DLG2: variants seen among roughly 807,000 people sequenced by gnomAD.
DLG2 encodes discs large MAGUK scaffold protein 2.
In DLG2, 45 loss-of-function variants were observed where a neutral mutation model predicts 132.5. The ratio of observed to expected loss-of-function variants is 0.34; its 90% confidence interval spans 0.27 to 0.44. The LOEUF (loss-of-function observed/expected upper bound fraction) is 0.44. DLG2 is among the 20% of genes least tolerant of loss of function. The pLI, the probability that DLG2 is intolerant of heterozygous loss-of-function variation, is 1.00. For missense variants in DLG2, 1,045 were observed against 1,196.9 expected, an observed-to-expected ratio of 0.87 and a Z score of 1.87; for synonymous variants, 424 against 419.6, an observed-to-expected ratio of 1.01 and a Z score of -0.13.
At chr11:83,899,871 AAC>A in intron 15 of DLG2, among the ~76,000 whole-genome samples, 1 of 152,344 alleles carries the variant, frequency 6.6e-6, no homozygotes, top group South Asian at 2.1e-4. Context: ...CAGAGGCTGG[AAC>A]AGTTCGGAGG....
chr11:83,930,358 A>G lies in DLG2; in HGVS notation c.1466T>C (p.Leu489Pro), dbSNP rs2154130169. The change falls in exon 15 of 28, where the codon CTA becomes CCA. Residue 489 changes from leucine (L) to proline (P), a missense_variant. Leu to Pro is a moderately conservative substitution (Grantham distance 98). Around this residue, in one of 4 missense-constraint regions of DLG2, gnomAD observed 261 missense variants for 256.1 expected, o/e 1.02. Coordinates refer to ENST00000376104, the MANE Select transcript of DLG2 (RefSeq NM_001142699.3). Reference sequence around the variant, plus strand: ...CATCTCAGAGTCAGGTAGCAGGCCTAGGTGGTAGTGGGAATAGGGAGCTGA... The same window carrying G: ...CATCTCAGAGTCAGGTAGCAGGCCTGGGTGGTAGTGGGAATAGGGAGCTGA... The part of the protein sequence containing the change: ...LLSAPYSHYH[L>P]GLLPDSEMTS... The G allele has an allele frequency of 6.2e-7, 1 of 1,614,052 alleles. No individual in the cohort carries two copies.
intron 6 of DLG2, among the ~76,000 whole-genome samples, chr11:84,729,038 CT>C (rs1789273122): frequency 6.6e-6 from 1 of 152,116 alleles, no homozygotes; most frequent in African/African-American, 2.4e-5. Flanking sequence ...AAAAACCCAG[CT>C]CCTGGATTCA....
At chr11:84,600,244 C>CAGAA (rs1593386416) in intron 6 of DLG2, among the ~76,000 whole-genome samples, 239 of 99,418 alleles carry the variant, frequency 2.4e-3, no homozygotes, top group African/African-American at 7.2e-3. Flanking sequence ...GACAGAAAAG[C>CAGAA]AAGCAAGCAA....
intron 6 of DLG2, among the ~76,000 whole-genome samples, chr11:85,029,741 A>C (rs1424537344): frequency 2.0e-5 from 3 of 152,184 alleles, no homozygotes; most frequent in Admixed American, 2.0e-4. Flanking sequence ...CACTTCTGCC[A>C]ATCACTGAGT....
At chr11:85,520,315 C>T (rs78514657) in intron 3 of DLG2, among the ~76,000 whole-genome samples, 5,403 of 151,668 alleles carry the variant, frequency 0.036, 146 homozygotes, top group Admixed American at 0.053. Context: ...ATAATGAGAA[C>T]GATAAAACAT....
intron 6 of DLG2, among the ~76,000 whole-genome samples, chr11:84,948,892 G>T (rs1003429897): frequency 8.5e-5 from 13 of 152,168 alleles, no homozygotes; most frequent in African/African-American, 3.1e-4. Context: ...ATTTAAATGA[G>T]ACAGAGTATG....
At chr11:85,175,739 TA>T (rs1176279944) in intron 4 of DLG2, among the ~76,000 whole-genome samples, 1 of 152,134 alleles carries the variant, frequency 6.6e-6, no homozygotes, top group East Asian at 1.9e-4. Flanking sequence ...AAAAGTATCT[TA>T]AGCTGATAAG....
intron 11 of DLG2, among the ~76,000 whole-genome samples, chr11:83,986,580 T>C (rs2093333521): frequency 1.3e-5 from 2 of 151,808 alleles, no homozygotes; most frequent in Non-Finnish European, 2.9e-5. Context: ...TACCCAGTAA[T>C]GGGATGGCTG....
At chr11:84,214,254 T>TATATATGAATATATATATAC (rs2096802415) in intron 8 of DLG2, among the ~76,000 whole-genome samples, 1 of 143,250 alleles carries the variant, frequency 7.0e-6, no homozygotes, top group Non-Finnish European at 1.5e-5. Context: ...TATATATACA[T>TATATATGAATATATATATAC]ATATATGAAT....
chr11:83,549,659 CAG>C (rs1165645582), intron 19 of DLG2, among the ~76,000 whole-genome samples: 1 of 152,142 alleles, frequency 6.6e-6, no homozygotes, highest in Non-Finnish European at 1.5e-5. Flanking sequence ...ATGCTGGGAG[CAG>C]AGAGATCTAA....
At chr11:84,903,296 A>G (rs1484416650) in intron 6 of DLG2, among the ~76,000 whole-genome samples, 3 of 152,188 alleles carry the variant, frequency 2.0e-5, no homozygotes, top group Non-Finnish European at 4.4e-5. Flanking sequence ...TTCCTAAACA[A>G]GATCAGCATC....
chr11:84,646,881 A>G (rs1324029642), intron 6 of DLG2, among the ~76,000 whole-genome samples: 1 of 152,128 alleles, frequency 6.6e-6, no homozygotes, highest in Non-Finnish European at 1.5e-5. Flanking sequence ...TAATGATGGG[A>G]CATCCTCTCT....
intron 18 of DLG2, among the ~76,000 whole-genome samples, chr11:83,649,550 A>G (rs748772322): frequency 6.6e-6 from 1 of 152,184 alleles, no homozygotes; most frequent in Non-Finnish European, 1.5e-5. Flanking sequence ...ACTCAGTAAG[A>G]ACTTCAACCC....
intron 4 of DLG2, among the ~76,000 whole-genome samples, chr11:85,271,819 G>A (rs1280479308): frequency 6.6e-6 from 1 of 152,174 alleles, no homozygotes; most frequent in Non-Finnish European, 1.5e-5. Flanking sequence ...TTGTATCTAG[G>A]AAGCAACTCA....
chr11:84,527,909 C>CTT (rs1193274360), intron 7 of DLG2, among the ~76,000 whole-genome samples: 3 of 151,280 alleles, frequency 2.0e-5, no homozygotes, highest in African/African-American at 7.3e-5. Context: ...CTCTCTCTCT[C>CTT]TCTCTCTCTC....
chr11:85,286,820 G>A (rs924522679), intron 3 of DLG2, among the ~76,000 whole-genome samples: 6 of 152,068 alleles, frequency 3.9e-5, no homozygotes, highest in African/African-American at 7.2e-5. Context: ...TGGAGAAATG[G>A]TTGATCGTAG....
At chr11:84,986,380 C>A (rs10898341) in intron 6 of DLG2, among the ~76,000 whole-genome samples, 4 of 151,976 alleles carry the variant, frequency 2.6e-5, no homozygotes, top group Admixed American at 6.5e-5. Context: ...GGTACCAACC[C>A]TATTGACACT....
intron 18 of DLG2, among the ~76,000 whole-genome samples, chr11:83,654,584 A>G (rs1390260693): frequency 6.6e-6 from 1 of 152,164 alleles, no homozygotes; most frequent in African/African-American, 2.4e-5. Context: ...CCATTATGAC[A>G]TTCAGGCATT....
chr11:85,011,840 A>G (rs941855449), intron 6 of DLG2, among the ~76,000 whole-genome samples: 2 of 152,204 alleles, frequency 1.3e-5, no homozygotes, highest in South Asian at 2.1e-4. Flanking sequence ...GGGTAATCAA[A>G]TAAGCTGGCA....
Sources: allele counts gnomAD v4.1 joint callset (sites outside exome capture counted in the v4.1 genomes callset), GRCh38; gene constraint gnomAD v4.1.1; regional missense constraint gnomAD v4.1.1; transcripts MANE v1.5; gene names NCBI Gene and HGNC (gene_info 2026-07-23, HGNC 2026-07-21).